The following NYAP2 variants were observed in gnomAD, a reference collection of about 807,000 sequenced individuals.
NYAP2 encodes the protein neuronal tyrosine-phosphorylated phosphoinositide-3-kinase adapter 2.
In NYAP2, 23 loss-of-function variants were observed where a neutral mutation model predicts 50.4. That is an observed-to-expected ratio of 0.46 (90% CI 0.33 to 0.65). The LOEUF (loss-of-function observed/expected upper bound fraction) is 0.65. Among genes scored for constraint, NYAP2 ranks in the 30% least tolerant of loss-of-function variants. The pLI is 0.02. For missense variants in NYAP2, 885 were observed against 861.0 expected (o/e 1.03, Z -0.35); for synonymous variants, 394 against 365.2 (o/e 1.08, Z -0.90).
intron 3 of NYAP2, among the ~76,000 whole-genome samples, chr2:225,450,234 G>C (rs1689628963): frequency 6.6e-6 from 1 of 152,098 alleles, no homozygotes; most frequent in Non-Finnish European, 1.5e-5. Flanking sequence ...GGGTGTGAGG[G>C]TAGCCTCATG....
At chr2:225,446,441 C>A (rs1048122185) in intron 3 of NYAP2, among the ~76,000 whole-genome samples, 2 of 151,368 alleles carry the variant, frequency 1.3e-5, no homozygotes, top group Non-Finnish European at 1.5e-5. Flanking sequence ...AAAAACAAAA[C>A]AAAACAAAAC....
intron 3 of NYAP2, among the ~76,000 whole-genome samples, chr2:225,509,773 G>A (rs182447555): frequency 3.9e-4 from 59 of 152,262 alleles, no homozygotes; most frequent in Admixed American, 8.5e-4. Flanking sequence ...TTGTTGTCTC[G>A]TCAATTAACT....
Position 225,601,655 on chromosome 2 carries a change from AC to A in NYAP2, c.1618+18621del, listed in dbSNP as rs558531878. The stretch of plus-strand genomic sequence containing the variant: ...ATTTCCCAGTGTTGAGCATCTTTTC[AC>A]ATGCTTATTGGCCATTTATATGCCT... On this transcript the variant is annotated intron_variant, in intron 5 of 6. Transcript: ENST00000636099. Among the ~76,000 whole-genome samples, 17 of 152,238 alleles carry A rather than the reference AC, an allele frequency of 1.1e-4. No individual in the cohort carries two copies. The South Asian group carries it at 3.5e-3, about 32-fold the overall frequency.
chr2:225,513,233 T>A (rs1406518393), intron 3 of NYAP2, 138 bp from the exon 4 acceptor site: 1 of 766,178 alleles, frequency 1.3e-6, no homozygotes, highest in Non-Finnish European at 2.1e-6. Flanking sequence ...GCTACTTGAG[T>A]TTGTTTTAAA....
At chr2:225,668,869 AC>A in the NYAP2 span, among the ~76,000 whole-genome samples, 1 of 151,738 alleles carries the variant, frequency 6.6e-6, no homozygotes, top group Admixed American at 6.6e-5. Context: ...GCTAGAAATT[AC>A]TTGACAAGTC....
chr2:225,652,482 A>T (rs1574732619), exon 7 of NYAP2: 1 of 152,138 alleles, frequency 6.6e-6, no homozygotes. Flanking sequence ...GTGGATGGGG[A>T]ATTAGTATGG....
chr2:225,584,702 C>G (rs1692360775), intron 5 of NYAP2, among the ~76,000 whole-genome samples: 1 of 152,110 alleles, frequency 6.6e-6, no homozygotes, highest in Admixed American at 6.5e-5. Flanking sequence ...CTTTTTTTCC[C>G]TTTACCCAGA....
At chr2:225,456,808 T>C (rs1486132151) in intron 3 of NYAP2, among the ~76,000 whole-genome samples, 1 of 152,136 alleles carries the variant, frequency 6.6e-6, no homozygotes, top group African/African-American at 2.4e-5. Context: ...CCAGCTAGCT[T>C]CCCTATCTGA....
chr2:225,436,202 G>A (rs1000577127), intron 3 of NYAP2, among the ~76,000 whole-genome samples: 1 of 152,142 alleles, frequency 6.6e-6, no homozygotes. Flanking sequence ...TAAAATAAAG[G>A]TCAAACAATC....
chr2:225,527,630 A>G (rs1691175221), intron 4 of NYAP2, among the ~76,000 whole-genome samples: 1 of 152,066 alleles, frequency 6.6e-6, no homozygotes, highest in Non-Finnish European at 1.5e-5. Flanking sequence ...ACACAGGCCC[A>G]CCCAGAACAA....
At chr2:225,522,018 G>A (rs1029171475) in intron 4 of NYAP2, among the ~76,000 whole-genome samples, 5 of 151,696 alleles carry the variant, frequency 3.3e-5, no homozygotes, top group South Asian at 2.1e-4. Context: ...TGTATGTGTC[G>A]AGGAATTTAT....
chr2:225,583,671 A>G (rs1692339861), intron 5 of NYAP2, among the ~76,000 whole-genome samples: 1 of 151,280 alleles, frequency 6.6e-6, no homozygotes. Flanking sequence ...TTTTGGGGGC[A>G]GGGAGGTGGG....
rs115039555 is a variant in NYAP2 at position 225,461,646 on chromosome 2, C to T, written c.222-51725C>T. Among the ~76,000 whole-genome samples, 820 of 152,224 alleles carry T rather than the reference C, an allele frequency of 5.4e-3. 7 individuals carry two copies. Among genetic ancestry groups the T allele is most frequent in the African/African-American group, 0.018 (767 of 41,528 alleles). Reference sequence around the variant, plus strand: ...TTTTATTTTGGAGACCATCTCAGGGCAGGAGGGAAATCCAAAAATTCTTTT... The same window carrying T: ...TTTTATTTTGGAGACCATCTCAGGGTAGGAGGGAAATCCAAAAATTCTTTT... On this transcript the variant is annotated intron_variant, in intron 3 of 6. Transcript: ENST00000636099.
At chr2:225,688,791 G>T in the NYAP2 span, among the ~76,000 whole-genome samples, 4 of 152,170 alleles carry the variant, frequency 2.6e-5, no homozygotes, top group Non-Finnish European at 5.9e-5. Context: ...CACCCAGGGT[G>T]GAGTGCAGTG....
chr2:225,562,616 A>G (rs1310945949), intron 4 of NYAP2, among the ~76,000 whole-genome samples: 1 of 152,092 alleles, frequency 6.6e-6, no homozygotes, highest in African/African-American at 2.4e-5. Context: ...AAGCATTGTA[A>G]GGGCAAATTT....
intron 3 of NYAP2, among the ~76,000 whole-genome samples, chr2:225,479,671 T>C (rs1051386876): frequency 1.3e-5 from 2 of 151,988 alleles, no homozygotes; most frequent in African/African-American, 4.8e-5. Flanking sequence ...AATCCACCAG[T>C]AATTACCAAA....
At chr2:225,432,561 G>T (rs1380513903) in intron 3 of NYAP2, among the ~76,000 whole-genome samples, 1 of 151,494 alleles carries the variant, frequency 6.6e-6, no homozygotes, top group Non-Finnish European at 1.5e-5. Context: ...AATATATATG[G>T]CTATATAGAT....
In NYAP2 at chr2:225,450,165, C is replaced by A. The variant is rs529319520; in HGVS notation, c.221+41064C>A. Among the ~76,000 whole-genome samples the A allele has an allele frequency of 1.4e-3, 206 of 152,152 alleles. 2 individuals carry two copies. The highest frequency in any genetic ancestry group is 4.5e-3 in the African/African-American group (186 of 41,522). Reference sequence around the variant, plus strand: ...TTGTCAAGAATGCTGTATAACCTACCTTTGTGTAGGTTTAGTAAGTATAGA... The same window carrying A: ...TTGTCAAGAATGCTGTATAACCTACATTTGTGTAGGTTTAGTAAGTATAGA... On this transcript the variant is annotated intron_variant, in intron 3 of 6. Coordinates refer to ENST00000636099, the Ensembl canonical transcript of NYAP2.
intron 5 of NYAP2, among the ~76,000 whole-genome samples, chr2:225,619,506 G>A (rs184429325): frequency 6.6e-6 from 1 of 152,310 alleles, no homozygotes. Context: ...TGATGAGGAA[G>A]AGTGAATAAG....
Sources: gnomAD v4.1 joint callset for allele counts (sites outside exome capture counted in the v4.1 genomes callset) on GRCh38, gnomAD v4.1.1 for gene constraint, MANE v1.5 for transcripts, NCBI Gene and HGNC (gene_info 2026-07-23, HGNC 2026-07-21) for gene names.